LIMD1: variants seen among roughly 807,000 people sequenced by gnomAD.
The protein encoded by LIMD1 is LIM domain containing 1.
Under a neutral mutation model 58.4 loss-of-function variants are expected in LIMD1, and 23 were observed. The ratio of observed to expected loss-of-function variants is 0.39; its 90% CI spans 0.28 to 0.56. The LOEUF (loss-of-function observed/expected upper bound fraction) is 0.56, where lower values mean the gene tolerates loss of function less well. Ranked by LOEUF, LIMD1 falls within the 20% of genes least tolerant of loss-of-function variation. The pLI is 0.57. For synonymous variants in LIMD1, 334 were observed against 345.5 expected (o/e 0.97, Z 0.37); for missense variants, 838 against 855.5 (o/e 0.98, Z 0.25).
intron 1 of LIMD1, among the ~76,000 whole-genome samples, chr3:45,633,186 C>T (rs1575352864): frequency 6.6e-6 from 1 of 152,132 alleles, no homozygotes; most frequent in Non-Finnish European, 1.5e-5. Flanking sequence ...GTCCAGTAAT[C>T]TCATCCGCCC....
At chr3:45,663,868 AT>A (rs553757543) in intron 2 of LIMD1, among the ~76,000 whole-genome samples, 8,860 of 102,750 alleles carry the variant, frequency 0.086, 1,109 homozygotes, top group African/African-American at 0.34. Context: ...TGCCTGGCTA[AT>A]TTTTTTTTTT....
intron 1 of LIMD1, among the ~76,000 whole-genome samples, chr3:45,612,070 G>GCTCT (rs112847908): frequency 0.03 from 4,354 of 144,846 alleles, 73 homozygotes; most frequent in Non-Finnish European, 0.047. Flanking sequence ...GCAGGTGCGC[G>GCTCT]CTCTCTCTCT....
intron 1 of LIMD1, among the ~76,000 whole-genome samples, chr3:45,633,700 T>G (rs1485757027): frequency 1.3e-5 from 2 of 152,234 alleles, no homozygotes; most frequent in Non-Finnish European, 2.9e-5. Context: ...TATAAATGAA[T>G]TTCTCCAATG....
At position 45,614,737 on chromosome 3, in the gene LIMD1, T is replaced by G. The variant is rs1005952456; in HGVS notation, c.1408+18450T>G. Among the ~76,000 whole-genome samples the G allele has an allele frequency of 2.8e-5, 4 of 143,810 alleles. No individual in the cohort carries two copies. In the South Asian group the frequency reaches 6.6e-4, roughly 24 times the overall value. The allele number at this position is 143,810 out of a possible 152,430, so 94.3% of individuals were successfully genotyped here. A position where few individuals can be genotyped will look rare whatever the true frequency, so the allele number is the denominator to read the frequency against. On this transcript the variant is annotated intron_variant, in intron 1 of 7. Transcript: ENST00000273317. ...GGCCCTGTCTCAAAAAAAGTGATAATAATAATAAAATAAAAAATAAATTCC... is the reference window on the plus strand; with the variant it reads ...GGCCCTGTCTCAAAAAAAGTGATAAGAATAATAAAATAAAAAATAAATTCC...
intron 2 of LIMD1, among the ~76,000 whole-genome samples, chr3:45,649,299 AT>A (rs1701938034): frequency 6.6e-6 from 1 of 151,516 alleles, no homozygotes; most frequent in South Asian, 2.1e-4. Flanking sequence ...TTCTCTTAAC[AT>A]TTTTTCTTTT....
At chr3:45,604,254 CCTGTGTGGTCAGTGGTCAAGGA>C (rs1176029494) in intron 1 of LIMD1, among the ~76,000 whole-genome samples, 1 of 152,110 alleles carries the variant, frequency 6.6e-6, no homozygotes, top group East Asian at 1.9e-4. Context: ...AGCGGTGACT[CCTGTGTGGTCAGTGGTCAAGGA>C]CTGGATACCG....
At chr3:45,674,031 T>C (rs1358586881) in intron 6 of LIMD1, 1 of 331,388 alleles carries the variant, frequency 3.0e-6, no homozygotes, top group Non-Finnish European at 5.7e-6. Flanking sequence ...TACTTGATAC[T>C]AATTCTTAGA....
At position 45,596,179 on chromosome 3, in the gene LIMD1, C is replaced by T. The variant is rs200601741; in HGVS notation, c.1300C>T (p.Leu434Phe). The part of the protein sequence containing the change: ...SPRVRLPCQP[L>F]VPGPELRPSA... ...TAGGGTAAGGCTGCCCTGCCAGCCC[C>T]TCGTCCCAGGTCCTGAGCTGAGACC... is the stretch of plus-strand genomic sequence containing the variant. Residue 434 changes from leucine to phenylalanine, a missense_variant, in exon 1 of 8, where the codon CTC (leucine) becomes TTC (phenylalanine). Leu to Phe is a conservative substitution (Grantham distance 22). This residue lies in a region of LIMD1 where 659 missense variants were observed against 639.8 expected (regional missense o/e 1.03). Coordinates refer to ENST00000273317, the MANE Select transcript of LIMD1 (RefSeq NM_014240.3). 95 of 1,614,036 alleles carry T rather than the reference C, an allele frequency of 5.9e-5. No homozygotes were observed. In the South Asian group the frequency reaches 9.2e-4, roughly 16 times the overall value.
At chr3:45,624,530 C>T (rs1701652206) in intron 1 of LIMD1, among the ~76,000 whole-genome samples, 1 of 152,032 alleles carries the variant, frequency 6.6e-6, no homozygotes, top group South Asian at 2.1e-4. Flanking sequence ...AACAGTGAAA[C>T]CCCATCTCTA....
At chr3:45,675,850 T>C (rs1053284674) in intron 7 of LIMD1, among the ~76,000 whole-genome samples, 13 of 152,148 alleles carry the variant, frequency 8.5e-5, no homozygotes, top group African/African-American at 3.1e-4. Context: ...CTACTAAAAA[T>C]ACAAAAATTA....
intron 1 of LIMD1, among the ~76,000 whole-genome samples, chr3:45,628,593 G>A (rs56151610): frequency 0.062 from 9,451 of 152,188 alleles, 406 homozygotes; most frequent in East Asian, 0.14. Context: ...TTCAGAAAGC[G>A]GTTTGTCAAT....
intron 2 of LIMD1, among the ~76,000 whole-genome samples, chr3:45,643,446 C>T (rs1406779288): frequency 6.6e-6 from 1 of 151,246 alleles, no homozygotes; most frequent in African/African-American, 2.4e-5. Flanking sequence ...GATTGCGCCA[C>T]TGTACTCCAT....
rs1300642052 is a variant in LIMD1 at position 45,662,651 on chromosome 3, A to G, written c.1511-2999A>G. Among the ~76,000 whole-genome samples, 10 of 152,176 alleles carry G rather than the reference A, an allele frequency of 6.6e-5. No individual in the cohort carries two copies. The East Asian group carries it at 1.2e-3, about 18-fold the overall frequency. On this transcript the variant is annotated intron_variant, in intron 2 of 7. Transcript: ENST00000273317. The stretch of plus-strand genomic sequence containing the variant: ...TGCCATTATGAATTGAAATTTTCCT[A>G]CTGTTACCATATATACTATTGTCAA...
rs35897504 is a variant in LIMD1 at position 45,627,706 on chromosome 3, CAAAAAA to C, written c.1409-8430_1409-8425del. Among the ~76,000 whole-genome samples the C allele has an allele frequency of 2.5e-4, 24 of 97,204 alleles. No homozygotes were observed. In the East Asian group the frequency reaches 5.7e-3, roughly 23 times the overall value. The allele number at this position is 97,204 out of a possible 152,430, so 63.8% of individuals were successfully genotyped here. A position where few individuals can be genotyped will look rare whatever the true frequency, so the allele number is the denominator to read the frequency against. On this transcript the variant is annotated intron_variant, in intron 1 of 7. Coordinates refer to ENST00000273317, the MANE Select transcript of LIMD1 (RefSeq NM_014240.3). ...GGATGAACCTCCTGCCTAAAACAACCAAAAAAAAAAAAAAAAAAAGGCCAGGTGCGG... is the reference window on the plus strand; with the variant it reads ...GGATGAACCTCCTGCCTAAAACAACCAAAAAAAAAAAAAGGCCAGGTGCGG...
intron 1 of LIMD1, among the ~76,000 whole-genome samples, chr3:45,608,106 T>C (rs756636491): frequency 1.3e-5 from 2 of 152,256 alleles, no homozygotes; most frequent in Non-Finnish European, 2.9e-5. Flanking sequence ...ACAGTTATCT[T>C]TACATTAAAT....
In LIMD1 at chr3:45,598,517, C is replaced by A. The variant is rs769292141; in HGVS notation, c.1408+2230C>A. Among the ~76,000 whole-genome samples, 4 of 152,200 alleles carry A rather than the reference C, an allele frequency of 2.6e-5. No homozygotes were observed. The South Asian group carries it at 8.3e-4, about 31-fold the overall frequency. ...TCAGCATATATTAAAATTTATTGAG[C>A]ACCTATCTTGAGGCCATGCTCTATT... On this transcript the variant is annotated intron_variant, in intron 1 of 7. Coordinates refer to ENST00000273317, the MANE Select transcript of LIMD1 (RefSeq NM_014240.3).
intron 2 of LIMD1, among the ~76,000 whole-genome samples, chr3:45,657,909 G>A (rs544814019): frequency 2.2e-4 from 34 of 152,210 alleles, no homozygotes; most frequent in Middle Eastern, 3.4e-3. Flanking sequence ...ATTTCTGCCC[G>A]ACTCTTTACT....
At chr3:45,621,643 T>G (rs1701629167) in intron 1 of LIMD1, among the ~76,000 whole-genome samples, 1 of 152,248 alleles carries the variant, frequency 6.6e-6, no homozygotes. Flanking sequence ...CTGCATTGGT[T>G]ATTTATATTT....
At chr3:45,637,020 A>G (rs1043738718) in intron 2 of LIMD1, among the ~76,000 whole-genome samples, 5 of 152,220 alleles carry the variant, frequency 3.3e-5, no homozygotes, top group Non-Finnish European at 5.9e-5. Context: ...ACTGAGGCTA[A>G]CAGCTCTCAA....
Sources: gnomAD v4.1 joint callset for allele counts (sites outside exome capture counted in the v4.1 genomes callset) on GRCh38, gnomAD v4.1.1 for gene constraint, gnomAD v4.1.1 regional missense constraint, MANE v1.5 for transcripts, NCBI Gene and HGNC (gene_info 2026-07-23, HGNC 2026-07-21) for gene names.